NLGN4X: variants seen among roughly 807,000 people sequenced by gnomAD.
The protein encoded by NLGN4X is neuroligin 4 X-linked.
In NLGN4X, 3 loss-of-function variants were observed where a neutral mutation model predicts 40.3. The ratio of observed to expected loss-of-function variants is 0.07; its 90% confidence interval spans 0.03 to 0.19. The LOEUF is 0.19. Ranked by LOEUF, NLGN4X falls within the 10% of genes least tolerant of loss-of-function variation. The pLI, the probability that NLGN4X is intolerant of heterozygous loss-of-function variation, is 1.00. For missense variants in NLGN4X, 382 were observed against 708.3 expected, an observed-to-expected ratio of 0.54 and a Z score of 5.23; for synonymous variants, 270 against 306.8, an observed-to-expected ratio of 0.88 and a Z score of 1.25.
At chrX:6,165,828 T>G in intron 1 of NLGN4X, among the ~76,000 whole-genome samples, 1 of 111,759 alleles carries the variant, frequency 8.9e-6, no homozygotes, top group Non-Finnish European at 1.9e-5. Flanking sequence ...TATTTATTTT[T>G]TTGTGAGTAC....
chrX:6,129,295 A>G (rs1324531917), intron 2 of NLGN4X, among the ~76,000 whole-genome samples: 2 of 111,929 alleles, frequency 1.8e-5, no homozygotes, highest in Non-Finnish European at 3.8e-5. Context: ...TGGAAGACAC[A>G]ACCCTTGCCA....
At chrX:6,134,660 C>A (rs1437515536) in intron 2 of NLGN4X, among the ~76,000 whole-genome samples, 1 of 112,277 alleles carries the variant, frequency 8.9e-6, no homozygotes, top group Non-Finnish European at 1.9e-5. Context: ...GCCTGGGGCC[C>A]ATATGGAAGC....
chrX:6,093,980 C>T (rs774206815), intron 2 of NLGN4X, among the ~76,000 whole-genome samples: 5 of 111,137 alleles, frequency 4.5e-5, no homozygotes, highest in Non-Finnish European at 7.6e-5. Context: ...TTTAATAGAT[C>T]AAAAAATAGG....
At chrX:5,904,472 A>C (rs902979254) in intron 4 of NLGN4X, among the ~76,000 whole-genome samples, 1 of 112,323 alleles carries the variant, frequency 8.9e-6, no homozygotes, top group African/African-American at 3.2e-5. Flanking sequence ...AGAAATCCTC[A>C]ACTGGGTGCC....
Position 5,978,051 on chromosome X carries a change from CGGAATTGGAT to C in NLGN4X, c.625+51219_625+51228del, listed in dbSNP as rs2035229180. 1.3e-4 allele frequency among the ~76,000 whole-genome samples: 14 copies of C among 111,924 alleles called. No homozygotes were observed. The South Asian group carries it at 4.1e-3, about 33-fold the overall frequency. On this transcript the variant is annotated intron_variant, in intron 3 of 5. Coordinates refer to ENST00000381095, the MANE Select transcript of NLGN4X (RefSeq NM_181332.3). ...CAACATGTCTGTGGACAGGATTGGA[CGGAATTGGAT>C]GGAATTGGATGGGATGTATGCACAG...
chrX:5,933,710 A>T (rs1043128380), intron 3 of NLGN4X, among the ~76,000 whole-genome samples: 1 of 111,762 alleles, frequency 8.9e-6, no homozygotes, highest in Non-Finnish European at 1.9e-5. Context: ...CTTATCCTGA[A>T]GTAACTAAAT....
intron 2 of NLGN4X, among the ~76,000 whole-genome samples, chrX:6,095,654 T>C (rs750226279): frequency 9.5e-4 from 107 of 112,275 alleles, no homozygotes; most frequent in Middle Eastern, 9.3e-3. Context: ...AGGATTACCA[T>C]ACTGGTGCTC....
At chrX:6,223,183 A>G (rs1925862953) in intron 1 of NLGN4X, among the ~76,000 whole-genome samples, 1 of 110,635 alleles carries the variant, frequency 9.0e-6, no homozygotes. Flanking sequence ...AGTTTTTTAT[A>G]TACGTATTTT....
chrX:6,025,334 C>G (rs1018133420), intron 3 of NLGN4X, among the ~76,000 whole-genome samples: 32 of 111,556 alleles, frequency 2.9e-4, no homozygotes, highest in African/African-American at 1.0e-3. Flanking sequence ...TAAAAAATAG[C>G]AAACATGATG....
At chrX:5,937,102 G>T (rs1399613308) in intron 3 of NLGN4X, among the ~76,000 whole-genome samples, 2 of 109,419 alleles carry the variant, frequency 1.8e-5, no homozygotes, top group African/African-American at 6.7e-5. Context: ...TTTAAGCAGG[G>T]TCTCACTCTG....
intron 3 of NLGN4X, among the ~76,000 whole-genome samples, chrX:5,991,826 C>A (rs2035693150): frequency 8.9e-6 from 1 of 111,916 alleles, no homozygotes; most frequent in African/African-American, 3.2e-5. Context: ...TTTTATTTTA[C>A]CTTCACTTTA....
rs111343150 is a variant in NLGN4X, at chrX:5,967,704, G to A, written c.626-58465C>T. ...TGCCATGCCGGGATGATGTGCACGGGAGAGAAGTATGGACACAGACTGGCT... is the reference window on the plus strand; with the variant it reads ...TGCCATGCCGGGATGATGTGCACGGAAGAGAAGTATGGACACAGACTGGCT... On this transcript the variant is annotated intron_variant, in intron 3 of 5. Coordinates refer to ENST00000381095, the MANE Select transcript of NLGN4X (RefSeq NM_181332.3). Among the ~76,000 whole-genome samples the A allele has an allele frequency of 9.0e-3, 1,001 of 111,293 alleles. 10 individuals carry two copies. Among genetic ancestry groups the A allele is most frequent in the African/African-American group, 0.031 (966 of 30,671 alleles).
intron 1 of NLGN4X, among the ~76,000 whole-genome samples, chrX:6,197,997 G>C (rs1316947374): frequency 9.1e-6 from 1 of 109,752 alleles, no homozygotes; most frequent in Admixed American, 9.7e-5. Context: ...CCCAGGAGCA[G>C]AGGCTGCAGT....
chrX:6,044,361 T>C (rs1453504133), intron 2 of NLGN4X, among the ~76,000 whole-genome samples: 2 of 111,795 alleles, frequency 1.8e-5, no homozygotes, highest in Non-Finnish European at 3.8e-5. Flanking sequence ...AGCTGTATTA[T>C]TGGTTCAAAA....
intron 2 of NLGN4X, among the ~76,000 whole-genome samples, chrX:6,058,637 A>G (rs1413209407): frequency 1.8e-5 from 2 of 112,083 alleles, no homozygotes; most frequent in East Asian, 5.6e-4. Flanking sequence ...TTAAAAATAA[A>G]GGATTGATAC....
chrX:6,160,889 T>C (rs1251220324), intron 1 of NLGN4X, among the ~76,000 whole-genome samples: 1 of 98,570 alleles, frequency 1.0e-5, no homozygotes, highest in Non-Finnish European at 2.0e-5. Flanking sequence ...AGAGAGAGAA[T>C]AATATAAAAT....
intron 3 of NLGN4X, among the ~76,000 whole-genome samples, chrX:6,009,276 C>G (rs1226091399): frequency 1.8e-5 from 2 of 111,558 alleles, no homozygotes; most frequent in East Asian, 5.6e-4. Flanking sequence ...GGAGTATATA[C>G]CCGGAGGTAG....
rs1003298376 is a variant in NLGN4X at position 5,933,613 on chromosome X, A to T, written c.626-24374T>A. On this transcript the variant is annotated intron_variant, in intron 3 of 5. Coordinates refer to ENST00000381095, the MANE Select transcript of NLGN4X (RefSeq NM_181332.3). ...ACCATAGTAAGGATAAAAAATAGAT[A>T]ACAGAGTTTTAAATAACTATGTATT... 2.7e-5 allele frequency among the ~76,000 whole-genome samples: 3 copies of T among 112,126 alleles called. 1 individual carries two copies. The highest frequency in any genetic ancestry group is 5.6e-5 in the Non-Finnish European group (3 of 53,217).
chrX:5,972,189 GTGTT>G (rs1276105297), intron 3 of NLGN4X, among the ~76,000 whole-genome samples: 1 of 110,522 alleles, frequency 9.0e-6, no homozygotes, highest in African/African-American at 3.3e-5. Flanking sequence ...GCATGCATGT[GTGTT>G]TGTGTGTGCA....
Sources: allele counts gnomAD v4.1 joint callset (sites outside exome capture counted in the v4.1 genomes callset), GRCh38; gene constraint gnomAD v4.1.1; transcripts MANE v1.5; gene names NCBI Gene and HGNC (gene_info 2026-07-23, HGNC 2026-07-21).